Variants in GSG1L observed in about 807,000 individuals in gnomAD.
GSG1L encodes the protein germ cell-specific gene 1-like protein.
GSG1L carries 24 observed loss-of-function variants against 42.1 expected under a neutral mutation model. That is an observed-to-expected ratio of 0.57 (90% CI 0.41 to 0.80). GSG1L has a LOEUF of 0.80. Among genes scored for constraint, GSG1L ranks in the 30% least tolerant of loss-of-function variants. The pLI is 0.00. For missense variants in GSG1L, 445 were observed against 472.2 expected (o/e 0.94, Z 0.53); for synonymous variants, 215 against 203.5 (o/e 1.06, Z -0.48).
intron 1 of GSG1L, among the ~76,000 whole-genome samples, chr16:28,058,383 CT>C (rs1203269311): frequency 1.3e-5 from 2 of 152,206 alleles, no homozygotes; most frequent in Non-Finnish European, 2.9e-5. Context: ...AATCCCAGCA[CT>C]TTGGGAGGCC....
At chr16:27,870,125 CTG>C (rs1275532734) in intron 3 of GSG1L, among the ~76,000 whole-genome samples, 1 of 148,620 alleles carries the variant, frequency 6.7e-6, no homozygotes, top group South Asian at 2.1e-4. Context: ...CTCTCTCTGT[CTG>C]TCTCTGTGTC....
At chr16:27,899,159 G>A (rs911127560) in intron 2 of GSG1L, among the ~76,000 whole-genome samples, 1 of 152,248 alleles carries the variant, frequency 6.6e-6, no homozygotes, top group Non-Finnish European at 1.5e-5. Flanking sequence ...GTCACCTGCT[G>A]CTACCCTTGA....
intron 1 of GSG1L, among the ~76,000 whole-genome samples, chr16:27,983,658 G>T (rs1413436289): frequency 6.6e-6 from 1 of 152,146 alleles, no homozygotes; most frequent in Non-Finnish European, 1.5e-5. Context: ...TCACTATGTT[G>T]CCCAGGCTGG....
chr16:27,859,325 T>C (rs559739242), intron 3 of GSG1L, among the ~76,000 whole-genome samples: 1 of 152,270 alleles, frequency 6.6e-6, no homozygotes, highest in South Asian at 2.1e-4. Context: ...GCCTTCAAGA[T>C]TGGGACCTAG....
rs1233170532 is a variant in GSG1L, at chr16:27,844,357, C to G, written c.662+593G>C. On this transcript the variant is annotated intron_variant, in intron 4 of 6. Coordinates refer to ENST00000447459, the MANE Select transcript of GSG1L (RefSeq NM_001109763.2). ...GACCTGTTTCCTGTATTCAGAGCCCCTCACTGGAGTCCACCTACCCCATCA... is the reference window on the plus strand; with the variant it reads ...GACCTGTTTCCTGTATTCAGAGCCCGTCACTGGAGTCCACCTACCCCATCA... Among the ~76,000 whole-genome samples, 3 of 152,306 alleles carry G rather than the reference C, an allele frequency of 2.0e-5. No individual in the cohort carries two copies. In the East Asian group the frequency reaches 5.8e-4, roughly 29 times the overall value.
At chr16:27,991,464 G>A (rs1245987528) in intron 1 of GSG1L, among the ~76,000 whole-genome samples, 2 of 151,350 alleles carry the variant, frequency 1.3e-5, no homozygotes, top group African/African-American at 4.9e-5. Flanking sequence ...GGAGTGCAGT[G>A]GTGCAATCTC....
At chr16:27,846,530 C>G (rs2083444998) in intron 3 of GSG1L, among the ~76,000 whole-genome samples, 1 of 152,124 alleles carries the variant, frequency 6.6e-6, no homozygotes, top group East Asian at 1.9e-4. Context: ...AGCATTGATT[C>G]CTAAATTAAA....
chr16:27,859,624 G>A (rs1333700279), intron 3 of GSG1L, among the ~76,000 whole-genome samples: 2 of 152,222 alleles, frequency 1.3e-5, no homozygotes. Flanking sequence ...CTTCTCATCT[G>A]TTACATTCCT....
intron 2 of GSG1L, among the ~76,000 whole-genome samples, chr16:27,948,599 T>A (rs1200578045): frequency 1.4e-5 from 2 of 141,784 alleles, no homozygotes; most frequent in Non-Finnish European, 3.1e-5. Context: ...GTCTTGAACT[T>A]CTTCTTCTTC....
intron 1 of GSG1L, among the ~76,000 whole-genome samples, chr16:28,057,622 G>A (rs556316557): frequency 1.3e-5 from 2 of 152,208 alleles, no homozygotes; most frequent in Non-Finnish European, 2.9e-5. Flanking sequence ...ACAGATACAC[G>A]GTTCAGATGT....
chr16:27,902,787 C>T (rs559571825), intron 2 of GSG1L, among the ~76,000 whole-genome samples: 10 of 152,132 alleles, frequency 6.6e-5, no homozygotes, highest in African/African-American at 9.7e-5. Context: ...GGAATGAAAA[C>T]GATGTCCGCC....
chr16:28,006,065 C>T (rs1274852854), intron 1 of GSG1L, among the ~76,000 whole-genome samples: 1 of 152,094 alleles, frequency 6.6e-6, no homozygotes, highest in Non-Finnish European at 1.5e-5. Flanking sequence ...ATTCAGCCCG[C>T]TGTTGCTGGC....
intron 1 of GSG1L, among the ~76,000 whole-genome samples, chr16:28,016,896 C>A (rs1034551660): frequency 6.6e-6 from 1 of 152,188 alleles, no homozygotes; most frequent in African/African-American, 2.4e-5. Context: ...TTGCCTCCCC[C>A]ACAATGTCCA....
intron 1 of GSG1L, among the ~76,000 whole-genome samples, chr16:27,993,323 T>A (rs1002564612): frequency 1.3e-5 from 2 of 152,146 alleles, no homozygotes; most frequent in African/African-American, 4.8e-5. Context: ...TAATTTTTTG[T>A]ATTTTTAGTA....
chr16:27,911,266 G>GCTTGCTCTCTCT (rs1555507779), intron 2 of GSG1L, among the ~76,000 whole-genome samples: 1 of 122,058 alleles, frequency 8.2e-6, no homozygotes, highest in African/African-American at 3.5e-5. Flanking sequence ...CCTCTCTCTC[G>GCTTGCTCTCTCT]CTCTCTCTCT....
chr16:27,874,441 CTT>C (rs71140916), intron 3 of GSG1L, among the ~76,000 whole-genome samples: 62 of 94,452 alleles, frequency 6.6e-4, no homozygotes, highest in African/African-American at 2.0e-3. Flanking sequence ...ACAGGAGAGC[CTT>C]TTTTTTTTTT....
intron 1 of GSG1L, among the ~76,000 whole-genome samples, chr16:27,967,848 GGTT>G (rs1236052427): frequency 3.3e-5 from 5 of 152,320 alleles, no homozygotes; most frequent in South Asian, 4.2e-4. Flanking sequence ...GGTAGGTGGA[GGTT>G]GCAGTGAGCA....
chr16:28,057,261 A>G (rs568881071), intron 1 of GSG1L, among the ~76,000 whole-genome samples: 7 of 152,262 alleles, frequency 4.6e-5, no homozygotes, highest in African/African-American at 1.7e-4. Flanking sequence ...CGGACCATGA[A>G]GTCAAAGCCA....
At chr16:27,840,517 GGA>G (rs879824794) in intron 4 of GSG1L, among the ~76,000 whole-genome samples, 54 of 152,126 alleles carry the variant, frequency 3.5e-4, no homozygotes, top group Admixed American at 1.6e-3. Context: ...GCCAAAAGGA[GGA>G]GTGGGCAGGA....
Sources: allele counts gnomAD v4.1 joint callset (sites outside exome capture counted in the v4.1 genomes callset), GRCh38; gene constraint gnomAD v4.1.1; transcripts MANE v1.5; gene names NCBI Gene and HGNC (gene_info 2026-07-23, HGNC 2026-07-21).